HNRNPDL: variants seen among roughly 807,000 people sequenced by gnomAD.
HNRNPDL encodes the protein heterogeneous nuclear ribonucleoprotein D like.
A neutral mutation model predicts 48.0 loss-of-function variants in HNRNPDL; 18 were observed. The observed-to-expected ratio is 0.38, with a 90% CI of 0.26 to 0.56. The LOEUF is 0.56. Ranked by LOEUF, HNRNPDL falls within the 20% of genes least tolerant of loss-of-function variation. HNRNPDL has a pLI of 0.77. For synonymous variants in HNRNPDL, 306 were observed against 207.3 expected (o/e 1.48, Z -4.09); for missense variants, 553 against 540.7 (o/e 1.02, Z -0.23).
rs200737081 is a variant in HNRNPDL at position 82,429,366 on chromosome 4, G to A, written c.325C>T (p.Arg109Cys). The change falls in exon 1 of 8, where the codon CGC (arginine) becomes TGC (cysteine). Residue 109 changes from arginine (R) to cysteine (C), a missense_variant. This residue lies in a region of HNRNPDL where 327 missense variants were observed against 203.2 expected (regional missense o/e 1.61). Coordinates refer to ENST00000295470, the MANE Select transcript of HNRNPDL (RefSeq NM_031372.4). The part of the protein sequence containing the change: ...AAAAAATRTA[R>C]QHPPADSSVT... Reference sequence around the variant, plus strand: ...GAGCTGTCGGCAGGGGGGTGCTGGCGCGCAGTCCGGGTCGCGGCAGCAGCG... The same window carrying A: ...GAGCTGTCGGCAGGGGGGTGCTGGCACGCAGTCCGGGTCGCGGCAGCAGCG... 4.3e-6 allele frequency: 7 copies of A among 1,613,562 alleles called. No homozygotes were observed. In the East Asian group the frequency reaches 6.7e-5, roughly 15 times the overall value.
rs1224303305 is a variant in HNRNPDL at position 82,424,395 on chromosome 4, G to C, written c.*511C>G. On this transcript the variant is annotated 3_prime_UTR_variant, in exon 8 of 8. Coordinates refer to ENST00000295470, the MANE Select transcript of HNRNPDL (RefSeq NM_031372.4). ...AGTCTTCAGATAACCAGAAGGGAAA[G>C]AACATTGTTCAAAGGTGTGGTAGAA... is the stretch of plus-strand genomic sequence containing the variant. 1 of 152,656 alleles carries C rather than the reference G, an allele frequency of 6.6e-6. No homozygotes were observed. The highest frequency in any genetic ancestry group is 1.5e-5 in the Non-Finnish European group (1 of 68,036). The allele number at this position is 152,656 out of a possible 1,614,324, so 9.5% of individuals were successfully genotyped here. A position where few individuals can be genotyped will look rare whatever the true frequency, so the allele number is the denominator to read the frequency against.
chr4:82,426,175 A>G (rs754594924), intron 6 of HNRNPDL, 46 bp from the exon 7 acceptor site: 2 of 1,499,272 alleles, frequency 1.3e-6, no homozygotes, highest in Non-Finnish European at 1.9e-6. Context: ...TTTCTACAAA[A>G]CTTTCTTTAC....
Position 82,426,907 on chromosome 4 carries a change from C to T in HNRNPDL, c.1022-274G>A, listed in dbSNP as rs144818240. Among the ~76,000 whole-genome samples the T allele has an allele frequency of 5.6e-3, 850 of 152,250 alleles. 4 individuals are homozygous for T. Among genetic ancestry groups the T allele is most frequent in the Non-Finnish European group, 7.8e-3 (530 of 68,012 alleles). ...CACTGTTCTGTTTAAAACAAGGACT[C>T]CTGCCCAAGAAAACCTATCACACCA... On this transcript the variant is annotated intron_variant, in intron 5 of 7. Coordinates refer to ENST00000295470, the MANE Select transcript of HNRNPDL (RefSeq NM_031372.4).
chr4:82,427,933 CA>C (rs1721486891), intron 3 of HNRNPDL, 84 bp downstream of exon 3: 1 of 1,300,824 alleles, frequency 7.7e-7, no homozygotes, highest in African/African-American at 1.5e-5. Context: ...TTACAGGAAA[CA>C]TGAATCTGCC....
At chr4:82,426,779 A>G (rs182206932) in intron 5 of HNRNPDL, 146 bp from the exon 6 acceptor site, 7 of 690,714 alleles carry the variant, frequency 1.0e-5, no homozygotes, top group Non-Finnish European at 1.7e-5. Flanking sequence ...CTATTTTTCC[A>G]GCTGTTATAA....
Position 82,429,988 on chromosome 4 carries a change from A to C in HNRNPDL, c.-298T>G. On this transcript the variant is annotated 5_prime_UTR_variant, in exon 1 of 8. Transcript: ENST00000295470. ...CACCGCGGCCAGTCTGCTCCGGAAA[A>C]AGGCGGACTGCGCCCGGCGCTGGCG... is the stretch of plus-strand genomic sequence containing the variant. The C allele has an allele frequency of 4.7e-6, 1 of 213,332 alleles. No homozygotes were observed. Among genetic ancestry groups the C allele is most frequent in the Non-Finnish European group, 9.2e-6 (1 of 108,142 alleles). 13.2% of individuals were successfully genotyped at this position (213,332 alleles called of 1,614,324 possible).
rs1224668864 is a variant in HNRNPDL at position 82,428,514 on chromosome 4, A to G, written c.444-68T>C. ...AATGATCCTTCAGTTCTGGAATTAA[A>G]TCGTGAAATAAAAACAGGGACATTT... On this transcript the variant is annotated intron_variant, in intron 1 of 7. Transcript: ENST00000295470. The G allele has an allele frequency of 4.2e-5, 53 of 1,272,118 alleles. No individual in the cohort carries two copies. The South Asian group carries it at 6.9e-4, about 17-fold the overall frequency. 78.8% of individuals were successfully genotyped at this position (1,272,118 alleles called of 1,614,324 possible).
At position 82,427,308 on chromosome 4, in the gene HNRNPDL, T is replaced by C. The variant is rs773877988; in HGVS notation, c.907-4A>G. 2 of 1,572,624 alleles carry C rather than the reference T, an allele frequency of 1.3e-6. No homozygotes were observed. Among genetic ancestry groups the C allele is most frequent in the Admixed American group, 4.1e-5 (2 of 49,350 alleles). ...GTTGTGCAACTTTGATTTCACACTA[T>C]AAACAAAAAACATGAAAGTATAATT... On this transcript the variant is annotated splice_region_variant and splice_polypyrimidine_tract_variant and intron_variant, in intron 4 of 7. Coordinates refer to ENST00000295470, the MANE Select transcript of HNRNPDL (RefSeq NM_031372.4).
Position 82,429,358 on chromosome 4 carries a change from G to C in HNRNPDL, c.333C>G (p.His111Gln), listed in dbSNP as rs758689857. Residue 111 changes from histidine to glutamine, a missense_variant, in exon 1 of 8, where the codon CAC (histidine) becomes CAG (glutamine). Around this residue, in one of 4 missense-constraint regions of HNRNPDL, gnomAD observed 327 missense variants for 203.2 expected, o/e 1.61. Transcript: ENST00000295470. The stretch of plus-strand genomic sequence containing the variant: ...TAGTGACGGAGCTGTCGGCAGGGGG[G>C]TGCTGGCGCGCAGTCCGGGTCGCGG... ...AAAATRTARQ[H>Q]PPADSSVTME... 6.8e-6 allele frequency: 11 copies of C among 1,613,550 alleles called. No individual in the cohort carries two copies. The highest frequency in any genetic ancestry group is 6.7e-5 in the East Asian group (3 of 44,838).
Position 82,429,784 on chromosome 4 carries a change from T to C in HNRNPDL, c.-94A>G. The C allele has an allele frequency of 1.0e-6, 1 of 1,003,288 alleles. No individual in the cohort carries two copies. The highest frequency in any genetic ancestry group is 1.3e-6 in the Non-Finnish European group (1 of 755,826). 62.1% of individuals were successfully genotyped at this position (1,003,288 alleles called of 1,614,324 possible). ...GAAGAGAAAAACGAAGGGGCGTAAATTCCTGGGGTCAGCAGTCCCGAGCAG... is the reference window on the plus strand; with the variant it reads ...GAAGAGAAAAACGAAGGGGCGTAAACTCCTGGGGTCAGCAGTCCCGAGCAG... On this transcript the variant is annotated 5_prime_UTR_variant, in exon 1 of 8. Transcript: ENST00000295470.
At position 82,423,755 on chromosome 4, in the gene HNRNPDL, A is replaced by G. The variant is rs997719; in HGVS notation, c.*1151T>C. ...AAAACGGATTCTTTTCAATGCACCC[A>G]GAGGGTCCACTGTAATGACTCAGTC... On this transcript the variant is annotated 3_prime_UTR_variant, in exon 8 of 8. Coordinates refer to ENST00000295470, the MANE Select transcript of HNRNPDL (RefSeq NM_031372.4). The G allele has an allele frequency of 0.073, 11,062 of 152,278 alleles. 427 individuals are homozygous for G. The highest frequency in any genetic ancestry group is 0.094 in the Admixed American group (1,442 of 15,296). The allele number at this position is 152,278 out of a possible 1,614,324, so 9.4% of individuals were successfully genotyped here.
At chr4:82,426,405 T>C in intron 6 of HNRNPDL, 58 bp downstream of exon 6, 2 of 1,453,010 alleles carry the variant, frequency 1.4e-6, no homozygotes, top group Non-Finnish European at 1.9e-6. Context: ...AACAGGATTG[T>C]ATGTTAACAA....
rs1377042225 is a variant in HNRNPDL at position 82,427,944 on chromosome 4, C to G, written c.774+74G>C. On this transcript the variant is annotated intron_variant, in intron 3 of 7. Coordinates refer to ENST00000295470, the MANE Select transcript of HNRNPDL (RefSeq NM_031372.4). ...ACTCTTACAGGAAACATGAATCTGC[C>G]CTGCATAAATCGGACAAGGATTGAA... 5.7e-6 allele frequency: 8 copies of G among 1,395,318 alleles called. No individual in the cohort carries two copies. The South Asian group carries it at 8.9e-5, about 15-fold the overall frequency. 86.4% of individuals were successfully genotyped at this position (1,395,318 alleles called of 1,614,324 possible).
At chr4:82,429,007 T>G (rs1178268274) in intron 1 of HNRNPDL, among the ~76,000 whole-genome samples, 1 of 151,240 alleles carries the variant, frequency 6.6e-6, no homozygotes, top group Non-Finnish European at 1.5e-5. Flanking sequence ...GCCTGCGCGC[T>G]CGGGACACAG....
Position 82,429,525 on chromosome 4 carries a change from G to T in HNRNPDL, c.166C>A (p.Arg56=). 1.3e-6 allele frequency: 2 copies of T among 1,492,678 alleles called. No homozygotes were observed. Among genetic ancestry groups the T allele is most frequent in the South Asian group, 1.3e-5 (1 of 77,656 alleles). The allele number at this position is 1,492,678 out of a possible 1,614,324, so 92.5% of individuals were successfully genotyped here. The part of the protein sequence containing the change: ...APSSARQGAR[R]AQRHVTAQQP... ...TGGGCGGTGACGTGGCGCTGGGCCCGGCGCGCCCCCTGCCGGGCGGAGCTG... is the reference window on the plus strand; with the variant it reads ...TGGGCGGTGACGTGGCGCTGGGCCCTGCGCGCCCCCTGCCGGGCGGAGCTG... The change falls in exon 1 of 8, where the codon CGG becomes AGG. Residue 56 remains arginine, a synonymous_variant. Coordinates refer to ENST00000295470, the MANE Select transcript of HNRNPDL (RefSeq NM_031372.4).
rs1410908908 is a variant in HNRNPDL, at chr4:82,426,071, G to A, written c.1251C>T (p.Tyr417=). 6.8e-6 allele frequency: 11 copies of A among 1,612,826 alleles called. 1 individual carries two copies. The highest frequency in any genetic ancestry group is 6.7e-5 in the East Asian group (3 of 44,848). ...SRGGGNHQNN[Y]QPY ...CCAATGTTCTCCTTTAGTATGGCTG[G>A]TAATTGTTTTGGTGATTGCCACCCC... The change falls in exon 7 of 8, where the codon TAC becomes TAT. Residue 417 remains tyrosine, a synonymous_variant. Transcript: ENST00000295470.
Position 82,422,759 on chromosome 4 carries a change from G to C in HNRNPDL, c.*2147C>G, listed in dbSNP as rs1721234059. ...CCGAGCATTTGTTATAGGTACTTTA[G>C]AATTAATTTCTATCCTCTTCCCGAG... On this transcript the variant is annotated 3_prime_UTR_variant, in exon 8 of 8. Transcript: ENST00000295470. 6.6e-6 allele frequency: 1 copy of C among 152,094 alleles called. No individual in the cohort carries two copies. Among genetic ancestry groups the C allele is most frequent in the Non-Finnish European group, 1.5e-5 (1 of 68,020 alleles). The allele number at this position is 152,094 out of a possible 1,614,324, so 9.4% of individuals were successfully genotyped here. A position where few individuals can be genotyped will look rare whatever the true frequency, so the allele number is the denominator to read the frequency against.
Position 82,429,239 on chromosome 4 carries a change from G to C in HNRNPDL, c.443+9C>G, listed in dbSNP as rs372895153. The stretch of plus-strand genomic sequence containing the variant: ...GGGGAGGGGGAGCGGGGGAAGAAGC[G>C]TGCGGTACCCGTCATCCTGCTGATT... On this transcript the variant is annotated intron_variant, in intron 1 of 7. Transcript: ENST00000295470. 1.4e-5 allele frequency: 23 copies of C among 1,612,260 alleles called. No homozygotes were observed. Among genetic ancestry groups the C allele is most frequent in the Non-Finnish European group, 1.7e-5 (20 of 1,179,256 alleles).
intron 7 of HNRNPDL, 185 bp downstream of exon 7, chr4:82,425,848 AAAGT>A (rs1296135995): frequency 5.6e-6 from 3 of 530,994 alleles, no homozygotes; most frequent in Admixed American, 3.3e-5. Context: ...AATACTAAAG[AAAGT>A]GAGATAAGAC....
Sources: allele counts gnomAD v4.1 joint callset (sites outside exome capture counted in the v4.1 genomes callset), GRCh38; gene constraint gnomAD v4.1.1; regional missense constraint gnomAD v4.1.1; transcripts MANE v1.5; gene names NCBI Gene and HGNC (gene_info 2026-07-23, HGNC 2026-07-21).